Variants in UNC5D observed in about 807,000 individuals in gnomAD.
UNC5D encodes netrin receptor UNC5D.
Under a neutral mutation model 105.4 loss-of-function variants are expected in UNC5D, and 39 were observed. The ratio of observed to expected loss-of-function variants is 0.37; its 90% CI spans 0.29 to 0.48. The LOEUF (loss-of-function observed/expected upper bound fraction) is 0.48. Ranked by LOEUF, UNC5D falls within the 20% of genes least tolerant of loss-of-function variation. UNC5D has a pLI of 0.98. For synonymous variants in UNC5D, 452 were observed against 450.4 expected (o/e 1.00, Z -0.04); for missense variants, 991 against 1,202.4 (o/e 0.82, Z 2.60).
At chr8:35,271,676 TA>T (rs1805362328) in intron 1 of UNC5D, among the ~76,000 whole-genome samples, 1 of 37,862 alleles carries the variant, frequency 2.6e-5, no homozygotes, top group Non-Finnish European at 5.8e-5. Flanking sequence ...CAGGTATACA[TA>T]TATATGTATA....
At chr8:35,319,643 T>C (rs1421672623) in intron 1 of UNC5D, among the ~76,000 whole-genome samples, 1 of 152,088 alleles carries the variant, frequency 6.6e-6, no homozygotes, top group African/African-American at 2.4e-5. Flanking sequence ...TCAGCTTACA[T>C]ATTGAGGAAT....
At chr8:35,550,906 T>G (rs751268079) in intron 2 of UNC5D, among the ~76,000 whole-genome samples, 1 of 152,198 alleles carries the variant, frequency 6.6e-6, no homozygotes, top group African/African-American at 2.4e-5. Context: ...TGAAGAAAGC[T>G]TGGTATACGT....
At chr8:35,744,500 C>T (rs757669968) in intron 11 of UNC5D, among the ~76,000 whole-genome samples, 2 of 152,114 alleles carry the variant, frequency 1.3e-5, no homozygotes, top group African/African-American at 2.4e-5. Flanking sequence ...TTGGTTTTCT[C>T]TTGTGTGGAG....
chr8:35,429,628 T>C (rs1806489953), intron 1 of UNC5D, among the ~76,000 whole-genome samples: 1 of 152,190 alleles, frequency 6.6e-6, no homozygotes, highest in Admixed American at 6.5e-5. Context: ...ATAACACTTT[T>C]TTTCCATTTT....
At chr8:35,737,516 T>C (rs1178006354) in intron 11 of UNC5D, among the ~76,000 whole-genome samples, 1 of 151,896 alleles carries the variant, frequency 6.6e-6, no homozygotes, top group African/African-American at 2.4e-5. Context: ...GAAGAATTAA[T>C]AAAGAAGGAA....
chr8:35,334,748 A>G (rs1419682633), intron 1 of UNC5D, among the ~76,000 whole-genome samples: 1 of 152,102 alleles, frequency 6.6e-6, no homozygotes, highest in Non-Finnish European at 1.5e-5. Context: ...TCCTGACCTC[A>G]GATGATGCAC....
intron 4 of UNC5D, among the ~76,000 whole-genome samples, chr8:35,605,461 G>T (rs1430433777): frequency 6.6e-6 from 1 of 152,216 alleles, no homozygotes; most frequent in Non-Finnish European, 1.5e-5. Context: ...CCTACTGGGG[G>T]TTGCCTCTCA....
At chr8:35,625,190 G>A (rs1037126813) in intron 4 of UNC5D, among the ~76,000 whole-genome samples, 4 of 152,062 alleles carry the variant, frequency 2.6e-5, no homozygotes, top group Admixed American at 6.6e-5. Context: ...GTTCTGCAGA[G>A]GTTGGTACAG....
intron 3 of UNC5D, among the ~76,000 whole-genome samples, chr8:35,576,571 A>G (rs536476816): frequency 6.6e-6 from 1 of 152,290 alleles, no homozygotes; most frequent in South Asian, 2.1e-4. Context: ...CCTGCATTCA[A>G]TAAGTAGGTG....
chr8:35,545,329 T>C (rs1422525047), intron 1 of UNC5D, among the ~76,000 whole-genome samples: 2 of 152,172 alleles, frequency 1.3e-5, no homozygotes, highest in Non-Finnish European at 1.5e-5. Flanking sequence ...TCCCTATCCT[T>C]CCCTTTTACT....
At chr8:35,302,867 C>G (rs2128871845) in intron 1 of UNC5D, among the ~76,000 whole-genome samples, 1 of 152,156 alleles carries the variant, frequency 6.6e-6, no homozygotes, top group Admixed American at 6.6e-5. Flanking sequence ...TTATAAAACC[C>G]TACAATGTAG....
At chr8:35,318,829 TGA>T (rs995606996) in intron 1 of UNC5D, among the ~76,000 whole-genome samples, 28 of 152,176 alleles carry the variant, frequency 1.8e-4, no homozygotes, top group African/African-American at 6.5e-4. Flanking sequence ...CCTTTGATAA[TGA>T]GGCAAAAAAT....
chr8:35,605,917 T>C (rs1389044631), intron 4 of UNC5D, among the ~76,000 whole-genome samples: 1 of 152,152 alleles, frequency 6.6e-6, no homozygotes, highest in Non-Finnish European at 1.5e-5. Flanking sequence ...CTATTTTGAA[T>C]TTATATAAAA....
At chr8:35,464,338 A>G (rs1051016562) in intron 1 of UNC5D, among the ~76,000 whole-genome samples, 2 of 152,058 alleles carry the variant, frequency 1.3e-5, no homozygotes, top group East Asian at 3.9e-4. Flanking sequence ...AAAGAATAAT[A>G]ATAATAATAA....
intron 1 of UNC5D, among the ~76,000 whole-genome samples, chr8:35,467,896 C>T (rs1428389971): frequency 6.6e-6 from 1 of 152,154 alleles, no homozygotes; most frequent in East Asian, 1.9e-4. Flanking sequence ...TATTAGATCA[C>T]CAATGACCAA....
Position 35,731,056 on chromosome 8 carries a change from T to C in UNC5D, c.1726T>C (p.Ser576Pro). Residue 576 changes from serine (S) to proline (P), a missense_variant, in exon 11 of 17, where the codon TCT becomes CCT. Around this residue, in one of 3 missense-constraint regions of UNC5D, gnomAD observed 944 missense variants for 1,131.6 expected, o/e 0.83. Transcript: ENST00000404895. ...IPHGAIPEEN[S>P]WEIYMSINQG... Reference sequence around the variant, plus strand: ...ACACGGTGCCATCCCAGAGGAGAATTCTTGGGAGATTTATATGTCCATCAA... The same window carrying C: ...ACACGGTGCCATCCCAGAGGAGAATCCTTGGGAGATTTATATGTCCATCAA... 1 of 1,613,906 alleles carries C rather than the reference T, an allele frequency of 6.2e-7. No homozygotes were observed. The highest frequency in any genetic ancestry group is 1.1e-5 in the South Asian group (1 of 91,080).
chr8:35,795,829 A>AT lies in UNC5D; in HGVS notation c.*5268dup, dbSNP rs960855247. ...TTCCAAATTGGAATAAAGACTCAGA[A>AT]TTACCCATTCTTCATAATCATGTCT... On this transcript the variant is annotated 3_prime_UTR_variant, in exon 17 of 17. Transcript: ENST00000404895. 1.3e-5 allele frequency: 2 copies of AT among 152,192 alleles called. No homozygotes were observed. Among genetic ancestry groups the AT allele is most frequent in the Non-Finnish European group, 2.9e-5 (2 of 68,030 alleles). The allele number at this position is 152,192 out of a possible 1,614,324, so 9.4% of individuals were successfully genotyped here. A position where few individuals can be genotyped will look rare whatever the true frequency, so the allele number is the denominator to read the frequency against.
At chr8:35,721,682 A>G (rs1828590612) in intron 8 of UNC5D, among the ~76,000 whole-genome samples, 1 of 152,194 alleles carries the variant, frequency 6.6e-6, no homozygotes, top group African/African-American at 2.4e-5. Context: ...AATGATTTGT[A>G]CCAAAGCTAA....
rs1359393723 is a variant in UNC5D, at chr8:35,751,062, C to T, written c.2163+253C>T. Among the ~76,000 whole-genome samples, 4 of 152,098 alleles carry T rather than the reference C, an allele frequency of 2.6e-5. No individual in the cohort carries two copies. The East Asian group carries it at 7.7e-4, about 29-fold the overall frequency. On this transcript the variant is annotated intron_variant, in intron 13 of 16. Coordinates refer to ENST00000404895, the MANE Select transcript of UNC5D (RefSeq NM_080872.4). ...GAGTTTTATTATTACTCAAATCAGT[C>T]TCCCCAAGAATTTAAGGATCACTGT... is the stretch of plus-strand genomic sequence containing the variant.
Sources: gnomAD v4.1 joint callset for allele counts (sites outside exome capture counted in the v4.1 genomes callset) on GRCh38, gnomAD v4.1.1 for gene constraint, gnomAD v4.1.1 regional missense constraint, MANE v1.5 for transcripts, NCBI Gene and HGNC (gene_info 2026-07-23, HGNC 2026-07-21) for gene names.